PEAK1: variants seen among roughly 807,000 people sequenced by gnomAD.
PEAK1 encodes the protein pseudopodium enriched atypical kinase 1.
A neutral mutation model predicts 124.7 loss-of-function variants in PEAK1; 54 were observed. That is an observed-to-expected ratio of 0.43 (90% CI 0.35 to 0.54). The LOEUF (loss-of-function observed/expected upper bound fraction) is 0.54. Ranked by LOEUF, PEAK1 falls within the 20% of genes least tolerant of loss-of-function variation. PEAK1 has a pLI of 0.01. For missense variants in PEAK1, 2,046 were observed against 2,134.5 expected (o/e 0.96, Z 0.82); for synonymous variants, 719 against 760.0 (o/e 0.95, Z 0.89).
At chr15:77,314,644 A>G (rs567968079) in intron 2 of PEAK1, among the ~76,000 whole-genome samples, 158 of 152,100 alleles carry the variant, frequency 1.0e-3, no homozygotes, top group Non-Finnish European at 1.6e-3. Context: ...CTGAGATTAC[A>G]CATGTGAGCC....
At chr15:77,283,322 C>T (rs1404323466) in intron 5 of PEAK1, among the ~76,000 whole-genome samples, 7 of 152,082 alleles carry the variant, frequency 4.6e-5, no homozygotes, top group Non-Finnish European at 1.0e-4. Flanking sequence ...TGCAGTTAAT[C>T]ATCTTAAAAA....
chr15:77,120,757 A>T (rs1252509144), intron 9 of PEAK1, among the ~76,000 whole-genome samples: 1 of 152,174 alleles, frequency 6.6e-6, no homozygotes, highest in Non-Finnish European at 1.5e-5. Flanking sequence ...CTTTATCCTC[A>T]TAGGAGAAAG....
At chr15:77,165,740 CTGCACAAGCTGTGCATT>C (rs1398907837) in intron 7 of PEAK1, among the ~76,000 whole-genome samples, 1 of 152,198 alleles carries the variant, frequency 6.6e-6, no homozygotes, top group Non-Finnish European at 1.5e-5. Context: ...CTACTCAGCA[CTGCACAAGCTGTGCATT>C]TTTCCACTTA....
chr15:77,145,731 C>T (rs1300361395), intron 8 of PEAK1, among the ~76,000 whole-genome samples: 2 of 152,196 alleles, frequency 1.3e-5, no homozygotes, highest in South Asian at 2.1e-4. Flanking sequence ...AAAAGATATG[C>T]CTTTTGTGAC....
At chr15:77,150,430 G>A (rs2054511178) in intron 8 of PEAK1, among the ~76,000 whole-genome samples, 1 of 152,080 alleles carries the variant, frequency 6.6e-6, no homozygotes, top group Non-Finnish European at 1.5e-5. Flanking sequence ...TAGGCACTTA[G>A]AATATTCACA....
At chr15:77,363,137 T>G (rs971452510) in intron 2 of PEAK1, among the ~76,000 whole-genome samples, 1 of 152,198 alleles carries the variant, frequency 6.6e-6, no homozygotes, top group Non-Finnish European at 1.5e-5. Context: ...ATTACAGGCA[T>G]GAACCACCAT....
At chr15:77,161,999 A>G (rs1421022328) in intron 7 of PEAK1, among the ~76,000 whole-genome samples, 1 of 150,820 alleles carries the variant, frequency 6.6e-6, no homozygotes, top group Admixed American at 6.6e-5. Context: ...AAAGAGAGAC[A>G]GGGGAAAAGG....
At chr15:77,155,723 G>A (rs545978557) in intron 8 of PEAK1, 2 of 152,524 alleles carry the variant, frequency 1.3e-5, no homozygotes, top group East Asian at 3.9e-4. Flanking sequence ...TCAGCTGCAG[G>A]TCTGTTGGAG....
At chr15:77,394,399 C>A (rs1369884084) in intron 1 of PEAK1, among the ~76,000 whole-genome samples, 1 of 152,200 alleles carries the variant, frequency 6.6e-6, no homozygotes, top group Non-Finnish European at 1.5e-5. Context: ...GCTTGTGTCA[C>A]CCTCCTCCAC....
At chr15:77,404,682 T>A (rs1420047212) in intron 1 of PEAK1, 1 of 952,546 alleles carries the variant, frequency 1.0e-6, no homozygotes, top group Non-Finnish European at 1.2e-6. Flanking sequence ...GAGTCTGCTG[T>A]ACTAATATAT....
chr15:77,115,461 T>G lies in PEAK1; in HGVS notation c.4078-142A>C, dbSNP rs1239577527. 8.2e-6 allele frequency: 6 copies of G among 728,518 alleles called. No individual in the cohort carries two copies. The East Asian group carries it at 1.6e-4, about 20-fold the overall frequency. The allele number at this position is 728,518 out of a possible 1,614,324, so 45.1% of individuals were successfully genotyped here. A position where few individuals can be genotyped will look rare whatever the true frequency, so the allele number is the denominator to read the frequency against. On this transcript the variant is annotated intron_variant, in intron 9 of 9. Transcript: ENST00000682557. Reference sequence around the variant, plus strand: ...TTCGCAAGGCTTGCCCCATGTTAAGTGGCAATAATAATGGTGGTAACCATT... The same window carrying G: ...TTCGCAAGGCTTGCCCCATGTTAAGGGGCAATAATAATGGTGGTAACCATT...
intron 1 of PEAK1, among the ~76,000 whole-genome samples, chr15:77,414,088 A>G (rs2072634735): frequency 8.9e-6 from 1 of 112,936 alleles, no homozygotes; most frequent in Non-Finnish European, 2.1e-5. Context: ...CTCCCATAGT[A>G]CTGGGATTAC....
intron 6 of PEAK1, among the ~76,000 whole-genome samples, chr15:77,248,610 C>G (rs995544216): frequency 6.6e-6 from 1 of 152,102 alleles, no homozygotes; most frequent in African/African-American, 2.4e-5. Flanking sequence ...CATCTATGAA[C>G]CAGAAAGCAG....
At chr15:77,315,259 A>G (rs1240880888) in intron 2 of PEAK1, among the ~76,000 whole-genome samples, 1 of 152,210 alleles carries the variant, frequency 6.6e-6, no homozygotes, top group South Asian at 2.1e-4. Context: ...TTCATTTAAT[A>G]TATCAATATT....
chr15:77,210,554 T>C (rs116754403), intron 6 of PEAK1, among the ~76,000 whole-genome samples: 1 of 152,178 alleles, frequency 6.6e-6, no homozygotes, highest in Non-Finnish European at 1.5e-5. Context: ...AATAGGAATC[T>C]GAAGGAATAG....
chr15:77,320,066 T>C (rs532667946), intron 2 of PEAK1, among the ~76,000 whole-genome samples: 1 of 152,324 alleles, frequency 6.6e-6, no homozygotes, highest in African/African-American at 2.4e-5. Flanking sequence ...ATTGCTAATA[T>C]ATGATGTAGA....
intron 5 of PEAK1, among the ~76,000 whole-genome samples, chr15:77,253,718 C>T (rs1018755269): frequency 3.3e-5 from 5 of 151,950 alleles, no homozygotes; most frequent in African/African-American, 1.2e-4. Context: ...AATTTTTTGT[C>T]TTCGATTTTT....
In PEAK1 at chr15:77,280,688, C is replaced by G. The variant is rs75849218; in HGVS notation, c.-275+3195G>C. 4.3e-3 allele frequency among the ~76,000 whole-genome samples: 653 copies of G among 151,918 alleles called. 2 individuals are homozygous for G. The highest frequency in any genetic ancestry group is 0.013 in the African/African-American group (558 of 41,394). On this transcript the variant is annotated intron_variant, in intron 5 of 9. Coordinates refer to ENST00000682557, the MANE Select transcript of PEAK1 (RefSeq NM_001385026.1). Reference sequence around the variant, plus strand: ...ATATTTTAATGTACTCAAGTTGACTCCACAAACTTCCTTCAGACAGTGTGG... The same window carrying G: ...ATATTTTAATGTACTCAAGTTGACTGCACAAACTTCCTTCAGACAGTGTGG...
intron 6 of PEAK1, among the ~76,000 whole-genome samples, chr15:77,204,159 C>T (rs1032192493): frequency 3.3e-5 from 5 of 152,164 alleles, no homozygotes; most frequent in Admixed American, 2.0e-4. Flanking sequence ...AGATGCACCA[C>T]ATCACGTTAT....
Sources: allele counts gnomAD v4.1 joint callset (sites outside exome capture counted in the v4.1 genomes callset), GRCh38; gene constraint gnomAD v4.1.1; transcripts MANE v1.5; gene names NCBI Gene and HGNC (gene_info 2026-07-23, HGNC 2026-07-21).